The following NPHP4 variants were observed in gnomAD, a reference collection of about 807,000 sequenced individuals.
NPHP4 encodes the protein nephrocystin 4, also known as nephrocystin-4.
NPHP4 carries 151 observed loss-of-function variants against 155.8 expected under a neutral mutation model. That is an observed-to-expected ratio of 0.97 (90% CI 0.85 to 1.11). The LOEUF (loss-of-function observed/expected upper bound fraction) is 1.11, where lower values mean the gene tolerates loss of function less well. Ranked by LOEUF, NPHP4 falls within the 50% of genes least tolerant of loss-of-function variation. NPHP4 has a pLI of 0.00. For missense variants in NPHP4, 1,956 were observed against 1,925.7 expected, an observed-to-expected ratio of 1.02 and a Z score of -0.29; for synonymous variants, 845 against 816.8, an observed-to-expected ratio of 1.03 and a Z score of -0.59.
intron 5 of NPHP4, among the ~76,000 whole-genome samples, chr1:5,963,300 C>A (rs1650708213): frequency 6.6e-6 from 1 of 151,956 alleles, no homozygotes; most frequent in Non-Finnish European, 1.5e-5. Flanking sequence ...GACGCTGAGG[C>A]AGGAGAATCG....
At chr1:5,919,934 A>G (rs1436244723) in intron 11 of NPHP4, among the ~76,000 whole-genome samples, 1 of 151,794 alleles carries the variant, frequency 6.6e-6, no homozygotes, top group Non-Finnish European at 1.5e-5. Flanking sequence ...TTATCTATCT[A>G]TCTACCTATC....
Position 5,952,683 on chromosome 1 carries a change from C to T in NPHP4, c.810+17G>A, listed in dbSNP as rs1034034444. On this transcript the variant is annotated intron_variant, in intron 7 of 29. Coordinates refer to ENST00000378156, the MANE Select transcript of NPHP4 (RefSeq NM_015102.5). ...CCTGGCCCCACCCTGCCCCCCATCACGCTTCTGACTCCACACCTCCTGGAA... is the reference window on the plus strand; with the variant it reads ...CCTGGCCCCACCCTGCCCCCCATCATGCTTCTGACTCCACACCTCCTGGAA... The T allele has an allele frequency of 4.7e-6, 7 of 1,488,632 alleles. No homozygotes were observed. Among genetic ancestry groups the T allele is most frequent in the African/African-American group, 1.4e-5 (1 of 71,070 alleles). 92.2% of individuals were successfully genotyped at this position (1,488,632 alleles called of 1,614,324 possible).
chr1:5,885,760 C>T (rs1009637292), intron 18 of NPHP4, among the ~76,000 whole-genome samples: 3 of 152,346 alleles, frequency 2.0e-5, no homozygotes, highest in African/African-American at 7.2e-5. Flanking sequence ...ACGCTGCTAG[C>T]AGAGAGACGC....
chr1:5,911,868 G>C (rs1438615194), intron 11 of NPHP4, among the ~76,000 whole-genome samples: 1 of 152,214 alleles, frequency 6.6e-6, no homozygotes, highest in African/African-American at 2.4e-5. Flanking sequence ...CCAGAGGACA[G>C]CGCGGCCGCC....
intron 3 of NPHP4, among the ~76,000 whole-genome samples, chr1:5,973,523 G>A (rs1158009148): frequency 6.6e-6 from 1 of 152,126 alleles, no homozygotes; most frequent in Non-Finnish European, 1.5e-5. Flanking sequence ...GGAGTCCAAG[G>A]CTGCAATGAG....
chr1:5,956,951 C>T (rs1649358018), intron 6 of NPHP4, among the ~76,000 whole-genome samples: 1 of 152,172 alleles, frequency 6.6e-6, no homozygotes, highest in African/African-American at 2.4e-5. Context: ...AGCAGACAAC[C>T]GCCACAGGTC....
chr1:5,964,941 A>ATATATATTT lies in NPHP4; in HGVS notation c.517+2357_517+2358insAAATATATA. ...ATTATATATATATATATATATATAT[A>ATATATATTT]TTTTTTTTTTTTGAGGCAGGGTCTC... On this transcript the variant is annotated intron_variant, in intron 5 of 29. Transcript: ENST00000378156. 3.7e-4 allele frequency among the ~76,000 whole-genome samples: 22 copies of ATATATATTT among 59,410 alleles called. 2 individuals are homozygous for ATATATATTT. The highest frequency in any genetic ancestry group is 1.4e-3 in the African/African-American group (16 of 11,790). The allele number at this position is 59,410 out of a possible 152,430, so 39.0% of individuals were successfully genotyped here.
chr1:5,865,450 G>C (rs754534507), intron 26 of NPHP4, 177 bp from the exon 27 acceptor site: 4 of 538,674 alleles, frequency 7.4e-6, no homozygotes. Flanking sequence ...CGGAGGACCA[G>C]GCCCCAGGAG....
At chr1:5,966,198 C>T (rs1199791472) in intron 5 of NPHP4, among the ~76,000 whole-genome samples, 1 of 152,140 alleles carries the variant, frequency 6.6e-6, no homozygotes, top group Non-Finnish European at 1.5e-5. Context: ...TCTCCTATCA[C>T]GAGATTGTCA....
chr1:5,933,528 T>G (rs187569263), intron 9 of NPHP4, among the ~76,000 whole-genome samples, 199 bp from the exon 10 acceptor site: 2 of 152,132 alleles, frequency 1.3e-5, no homozygotes, highest in African/African-American at 4.8e-5. Context: ...AGGGCACAGA[T>G]AGTCTTCAGT....
At chr1:5,936,735 C>T (rs966331073) in intron 9 of NPHP4, among the ~76,000 whole-genome samples, 3 of 152,228 alleles carry the variant, frequency 2.0e-5, no homozygotes, top group African/African-American at 7.2e-5. Flanking sequence ...AAAACAGGCC[C>T]TTGGCCTCTG....
At chr1:5,904,304 C>T (rs1296932255) in intron 16 of NPHP4, among the ~76,000 whole-genome samples, 1 of 152,156 alleles carries the variant, frequency 6.6e-6, no homozygotes, top group Non-Finnish European at 1.5e-5. Context: ...TTTAGATGGG[C>T]TATACCCCTT....
chr1:5,983,924 A>T (rs1235510424), intron 2 of NPHP4, among the ~76,000 whole-genome samples: 1 of 152,194 alleles, frequency 6.6e-6, no homozygotes, highest in Non-Finnish European at 1.5e-5. Context: ...CTTTATGCTT[A>T]GAGTGCACTT....
Position 5,863,238 on chromosome 1 carries a change from C to T in NPHP4, c.*27G>A, listed in dbSNP as rs1486471987. Reference sequence around the variant, plus strand: ...GCACAGACAGGCCCCAGCTGGGTGCCGCAGGAAGGACGTCACCCTCAAGCC... The same window carrying T: ...GCACAGACAGGCCCCAGCTGGGTGCTGCAGGAAGGACGTCACCCTCAAGCC... On this transcript the variant is annotated 3_prime_UTR_variant, in exon 30 of 30. Transcript: ENST00000378156. The T allele has an allele frequency of 5.0e-6, 8 of 1,613,728 alleles. No homozygotes were observed. The highest frequency in any genetic ancestry group is 4.5e-5 in the East Asian group (2 of 44,874).
intron 5 of NPHP4, among the ~76,000 whole-genome samples, chr1:5,966,769 G>A (rs1166699597): frequency 6.6e-6 from 1 of 151,022 alleles, no homozygotes; most frequent in African/African-American, 2.4e-5. Flanking sequence ...CCCACCACAC[G>A]CCCTTCCTGT....
rs543239851 is a variant in NPHP4, at chr1:5,986,377, G to T, written c.-38-50C>A. 4.1e-4 allele frequency: 588 copies of T among 1,433,288 alleles called. 1 individual carries two copies. The highest frequency in any genetic ancestry group is 7.4e-4 in the South Asian group (58 of 77,982). 88.8% of individuals were successfully genotyped at this position (1,433,288 alleles called of 1,614,324 possible). On this transcript the variant is annotated intron_variant, in intron 1 of 29. Transcript: ENST00000378156. ...GAGAAGAGCTGTGAGGGCTACAGTG[G>T]TCACAGCAATCCTGAAGGCTTCTGC...
At position 5,873,339 on chromosome 1, in the gene NPHP4, C is replaced by T. The variant is rs746442758; in HGVS notation, c.3232-4G>A. The T allele has an allele frequency of 1.2e-6, 2 of 1,613,380 alleles. No individual in the cohort carries two copies. Among genetic ancestry groups the T allele is most frequent in the Non-Finnish European group, 1.7e-6 (2 of 1,179,334 alleles). On this transcript the variant is annotated splice_polypyrimidine_tract_variant and splice_region_variant and intron_variant, in intron 22 of 29. Transcript: ENST00000378156. ...CGTTGCTCAACCCAGGAGAGGCCTG[C>T]AGGAACCGAACAGCACAAGCAGGTC... is the stretch of plus-strand genomic sequence containing the variant.
chr1:5,983,426 T>C (rs1655018694), intron 2 of NPHP4, among the ~76,000 whole-genome samples: 1 of 152,206 alleles, frequency 6.6e-6, no homozygotes. Context: ...TAAACACGTG[T>C]TTCCCTTCTG....
At position 5,889,686 on chromosome 1, in the gene NPHP4, G is replaced by A. The variant is rs552227209; in HGVS notation, c.2304+1182C>T. Among the ~76,000 whole-genome samples, 41 of 152,298 alleles carry A rather than the reference G, an allele frequency of 2.7e-4. No homozygotes were observed. Among genetic ancestry groups the A allele is most frequent in the African/African-American group, 9.4e-4 (39 of 41,564 alleles). Reference sequence around the variant, plus strand: ...CCTGTGCTAGAGATGCTGTGGTGTCGACACACAGTCCTGCCCTGGGGACAT... The same window carrying A: ...CCTGTGCTAGAGATGCTGTGGTGTCAACACACAGTCCTGCCCTGGGGACAT... On this transcript the variant is annotated intron_variant, in intron 17 of 29. Coordinates refer to ENST00000378156, the MANE Select transcript of NPHP4 (RefSeq NM_015102.5). This position sits in a 1 kb window ranked among gnomAD's most constrained non-coding sequence, Gnocchi z 4.2.
Sources: gnomAD v4.1 joint callset for allele counts (sites outside exome capture counted in the v4.1 genomes callset) on GRCh38, gnomAD v4.1.1 for gene constraint, Gnocchi (gnomAD v3.1) non-coding constraint, MANE v1.5 for transcripts, NCBI Gene and HGNC (gene_info 2026-07-23, HGNC 2026-07-21) for gene names.